The following RAPGEF1 variants were observed in gnomAD, a reference collection of about 807,000 sequenced individuals.
The protein encoded by RAPGEF1 is Rap guanine nucleotide exchange factor 1, also known as CRK SH3-binding GNRP.
A neutral mutation model predicts 143.3 loss-of-function variants in RAPGEF1; 33 were observed. The observed-to-expected ratio is 0.23, with a 90% confidence interval of 0.17 to 0.31. The LOEUF (loss-of-function observed/expected upper bound fraction) is 0.31. Among genes scored for constraint, RAPGEF1 ranks in the 10% least tolerant of loss-of-function variants. The pLI is 1.00. For synonymous variants in RAPGEF1, 629 were observed against 676.5 expected (o/e 0.93, Z 1.09); for missense variants, 1,199 against 1,645.4 (o/e 0.73, Z 4.69).
At chr9:131,588,266 G>A (rs1953536579) in intron 20 of RAPGEF1, among the ~76,000 whole-genome samples, 1 of 152,228 alleles carries the variant, frequency 6.6e-6, no homozygotes, top group Admixed American at 6.5e-5. Flanking sequence ...AGCAGCTTCT[G>A]GAATCAGAAG....
intron 1 of RAPGEF1, among the ~76,000 whole-genome samples, chr9:131,707,481 C>T (rs541779235): frequency 1.3e-5 from 2 of 152,232 alleles, no homozygotes; most frequent in African/African-American, 4.8e-5. Context: ...CTCTCTGTTG[C>T]CCAGGCTGGA....
At chr9:131,639,737 AC>A (rs1465090752) in intron 4 of RAPGEF1, among the ~76,000 whole-genome samples, 3 of 152,314 alleles carry the variant, frequency 2.0e-5, no homozygotes, top group African/African-American at 2.4e-5. Flanking sequence ...AAACAAAAAA[AC>A]ACCCCAAAAT....
At chr9:131,630,138 A>G in intron 6 of RAPGEF1, 98 bp downstream of exon 6, 1 of 1,076,792 alleles carries the variant, frequency 9.3e-7, no homozygotes, top group Non-Finnish European at 1.4e-6. Flanking sequence ...CCAGCAGCCC[A>G]CCCTCATGCT....
chr9:131,607,573 C>T (rs949473218), intron 12 of RAPGEF1, among the ~76,000 whole-genome samples: 10 of 152,050 alleles, frequency 6.6e-5, no homozygotes, highest in African/African-American at 1.7e-4. Context: ...GGTGGGACGG[C>T]GTGCTGCTGG....
chr9:131,582,795 G>A, intron 24 of RAPGEF1, 93 bp from the exon 25 acceptor site: 1 of 1,132,404 alleles, frequency 8.8e-7, no homozygotes, highest in Non-Finnish European at 1.2e-6. Context: ...CTAACTGGAG[G>A]GTCAACCACC....
chr9:131,598,621 T>C (rs2132405611), intron 15 of RAPGEF1: 4 of 501,640 alleles, frequency 8.0e-6, no homozygotes, highest in South Asian at 6.2e-5. Context: ...ACCGCACAGT[T>C]AGCATTTAGG....
intron 1 of RAPGEF1, chr9:131,737,283 T>A: frequency 3.9e-6 from 6 of 1,519,398 alleles, no homozygotes; most frequent in Non-Finnish European, 5.5e-6. Context: ...CCCCTTCCCC[T>A]CTCTCCTCTT....
At chr9:131,625,825 G>A in intron 10 of RAPGEF1, 97 bp downstream of exon 10, 1 of 1,440,478 alleles carries the variant, frequency 6.9e-7, no homozygotes, top group African/African-American at 1.4e-5. Context: ...GAAATAATGA[G>A]GCCACTGATT....
chr9:131,594,865 T>C (rs1358428741), intron 17 of RAPGEF1, among the ~76,000 whole-genome samples: 2 of 152,200 alleles, frequency 1.3e-5, no homozygotes, highest in African/African-American at 4.8e-5. Flanking sequence ...AGTTCACCCT[T>C]TGGAGCCGAG....
chr9:131,687,692 C>G (rs780202057), intron 1 of RAPGEF1, among the ~76,000 whole-genome samples: 22 of 152,162 alleles, frequency 1.4e-4, no homozygotes, highest in Non-Finnish European at 2.6e-4. Context: ...CTCAGAGCAG[C>G]CCCTAGGTTG....
At chr9:131,622,034 G>C (rs1487411011) in intron 10 of RAPGEF1, 36 bp from the exon 11 acceptor site, 1 of 1,582,984 alleles carries the variant, frequency 6.3e-7, no homozygotes, top group Non-Finnish European at 8.6e-7. Context: ...GCGAGGCCGG[G>C]GGAGGCCACA....
chr9:131,733,616 T>C lies in RAPGEF1; in HGVS notation c.61+6154A>G, dbSNP rs371401966. On this transcript the variant is annotated intron_variant, in intron 1 of 26. Transcript: ENST00000683357. ...ACGGTGGGTTTTATTTATTTACTCATAAAACAGCCTTTGGGGCAAGACGGG... is the reference window on the plus strand; with the variant it reads ...ACGGTGGGTTTTATTTATTTACTCACAAAACAGCCTTTGGGGCAAGACGGG... Among the ~76,000 whole-genome samples, 80 of 152,246 alleles carry C rather than the reference T, an allele frequency of 5.3e-4. No individual in the cohort carries two copies. In the South Asian group the frequency reaches 0.016, roughly 30 times the overall value.
chr9:131,636,727 T>A (rs1277761494), intron 5 of RAPGEF1, among the ~76,000 whole-genome samples: 2 of 152,176 alleles, frequency 1.3e-5, no homozygotes, highest in Non-Finnish European at 2.9e-5. Context: ...CCAGAGTGAC[T>A]CAGGGCTGCT....
chr9:131,584,979 C>T lies in RAPGEF1; in HGVS notation c.3234-383G>A, dbSNP rs1346897667. On this transcript the variant is annotated intron_variant, in intron 22 of 26. Transcript: ENST00000683357. The surrounding 1 kb of genome is among the most constrained non-coding windows in gnomAD (Gnocchi z 6.8). Reference sequence around the variant, plus strand: ...GATGCAGGACTGGCTCGGGGAGACCCGCTAGCACGTGAGGTAAGAGGTCAC... The same window carrying T: ...GATGCAGGACTGGCTCGGGGAGACCTGCTAGCACGTGAGGTAAGAGGTCAC... Among the ~76,000 whole-genome samples, 3 of 152,130 alleles carry T rather than the reference C, an allele frequency of 2.0e-5. No homozygotes were observed. Among genetic ancestry groups the T allele is most frequent in the East Asian group, 3.8e-4 (2 of 5,198 alleles).
In RAPGEF1 at chr9:131,621,763, G is replaced by T. The variant is rs779857859; in HGVS notation, c.1905+33C>A. 4 of 1,567,704 alleles carry T rather than the reference G, an allele frequency of 2.6e-6. No homozygotes were observed. In the South Asian group the frequency reaches 4.6e-5, roughly 18 times the overall value. On this transcript the variant is annotated intron_variant, in intron 11 of 26. Transcript: ENST00000683357. The surrounding 1 kb of genome is among the most constrained non-coding windows in gnomAD (Gnocchi z 4.5). ...GGTTCCTAGAGACCTGCTAGGATCGGAAGTTCTAGTCACAAGGGAAGGTGT... is the reference window on the plus strand; with the variant it reads ...GGTTCCTAGAGACCTGCTAGGATCGTAAGTTCTAGTCACAAGGGAAGGTGT...
chr9:131,685,788 T>G lies in RAPGEF1; in HGVS notation c.62-34839A>C, dbSNP rs986969140. 3.3e-5 allele frequency among the ~76,000 whole-genome samples: 5 copies of G among 152,272 alleles called. No individual in the cohort carries two copies. The South Asian group carries it at 8.3e-4, about 25-fold the overall frequency. On this transcript the variant is annotated intron_variant, in intron 1 of 26. Coordinates refer to ENST00000683357, the MANE Select transcript of RAPGEF1 (RefSeq NM_001377935.1). ...CCTCTAGCGCCGCTGGGTTAGGGTC[T>G]CCCCGACCTAGCTGGTCTTGGCAGA...
chr9:131,724,826 C>T (rs13284273), intron 1 of RAPGEF1, among the ~76,000 whole-genome samples: 4,133 of 152,312 alleles, frequency 0.027, 92 homozygotes, highest in Non-Finnish European at 0.045. Context: ...TGCAGAAAGA[C>T]GGCCTCATCC....
intron 17 of RAPGEF1, among the ~76,000 whole-genome samples, chr9:131,595,489 G>A (rs1337723391): frequency 6.6e-6 from 1 of 152,222 alleles, no homozygotes. Flanking sequence ...CAAGGTGGGG[G>A]TGTTTTCATT....
Position 131,584,354 on chromosome 9 carries a change from G to T in RAPGEF1, c.3371C>A (p.Ser1124Ter). The T allele has an allele frequency of 6.2e-7, 1 of 1,613,680 alleles. No individual in the cohort carries two copies. The highest frequency in any genetic ancestry group is 1.1e-5 in the South Asian group (1 of 91,038). The change falls in exon 24 of 27, where the codon TCG becomes TAG. Residue 1124 changes from serine (S) to a stop codon, truncating the protein, a stop_gained. Coordinates refer to ENST00000683357, the MANE Select transcript of RAPGEF1 (RefSeq NM_001377935.1). LOFTEE classifies it high-confidence loss of function. This position sits in a 1 kb window ranked among gnomAD's most constrained non-coding sequence, Gnocchi z 6.8. ...CCACTCCAGCCTGCGGATGGGCGCC[G>T]AGTCCAGGGCAGAGAGGATGGCCAA... ...SYLAILSALD[S>*]APIRRLEWQK...
Sources: allele counts gnomAD v4.1 joint callset (sites outside exome capture counted in the v4.1 genomes callset), GRCh38; gene constraint gnomAD v4.1.1; non-coding constraint Gnocchi (gnomAD v3.1); transcripts MANE v1.5; gene names NCBI Gene and HGNC (gene_info 2026-07-23, HGNC 2026-07-21).